PPP1R3E: variants seen among roughly 807,000 people sequenced by gnomAD.
PPP1R3E encodes the protein protein phosphatase 1, regulatory (inhibitor) subunit 3E.
A neutral mutation model predicts 18.5 loss-of-function variants in PPP1R3E; 20 were observed. The ratio of observed to expected loss-of-function variants is 1.08; its 90% confidence interval spans 0.76 to 1.58. The LOEUF is 1.58. Among genes scored for constraint, PPP1R3E ranks in the 40% most tolerant of loss-of-function variants. The pLI, the probability that PPP1R3E is intolerant of heterozygous loss-of-function variation, is 0.00. For synonymous variants in PPP1R3E, 208 were observed against 208.1 expected (o/e 1.00, Z 0.00); for missense variants, 498 against 460.2 (o/e 1.08, Z -0.75).
rs1312870415 is a variant in PPP1R3E, at chr14:23,301,580, G to A, written c.696C>T (p.Gly232=). The A allele has an allele frequency of 2.1e-6, 3 of 1,450,494 alleles. No homozygotes were observed. Among genetic ancestry groups the A allele is most frequent in the Non-Finnish European group, 2.7e-6 (3 of 1,103,448 alleles). 89.9% of individuals were successfully genotyped at this position (1,450,494 alleles called of 1,614,324 possible). Residue 232 remains glycine (G), a synonymous_variant, in exon 2 of 5, where the codon GGC becomes GGT. Transcript: ENST00000452015. ...GGTAGCGCAAGGCGAAGAGCAGGGCGCCCCCAATCGGCGGCGCGGGCAGGC... is the reference window on the plus strand; with the variant it reads ...GGTAGCGCAAGGCGAAGAGCAGGGCACCCCCAATCGGCGGCGCGGGCAGGC... ...AFRLPAPPIG[G]ALLFALRYRV... is the part of the protein sequence containing the mutation.
rs1886931694 is a variant in PPP1R3E, at chr14:23,298,190, A to G, written c.*1114T>C. ...AGCAGCAAACTCCTTCGAGTCACAGATGAAGCTCGGGGGCCCCCTGTCTTC... is the reference window on the plus strand; with the variant it reads ...AGCAGCAAACTCCTTCGAGTCACAGGTGAAGCTCGGGGGCCCCCTGTCTTC... On this transcript the variant is annotated 3_prime_UTR_variant, in exon 5 of 5. Transcript: ENST00000452015. 1 of 152,246 alleles carries G rather than the reference A, an allele frequency of 6.6e-6. No individual in the cohort carries two copies. The allele number at this position is 152,246 out of a possible 1,614,324, so 9.4% of individuals were successfully genotyped here.
chr14:23,300,172 T>C (rs1185480864), intron 3 of PPP1R3E: 2 of 152,074 alleles, frequency 1.3e-5, no homozygotes, highest in African/African-American at 4.8e-5. Context: ...GAGCAGAGGA[T>C]AGGCTGTGGT....
chr14:23,302,696 G>T lies in PPP1R3E; in HGVS notation c.-120C>A. 2 of 1,066,884 alleles carry T rather than the reference G, an allele frequency of 1.9e-6. No individual in the cohort carries two copies. The highest frequency in any genetic ancestry group is 2.5e-6 in the Non-Finnish European group (2 of 788,134). The allele number at this position is 1,066,884 out of a possible 1,614,324, so 66.1% of individuals were successfully genotyped here. A position where few individuals can be genotyped will look rare whatever the true frequency, so the allele number is the denominator to read the frequency against. On this transcript the variant is annotated 5_prime_UTR_variant, in exon 1 of 5. Coordinates refer to ENST00000452015, the MANE Select transcript of PPP1R3E (RefSeq NM_001276318.2). ...GGGTCCGCTTCTGCAGCCCCTCGCT[G>T]CTGTGTATTCTCCTTGCAGACACCT...
Position 23,298,793 on chromosome 14 carries a change from C to G in PPP1R3E, c.*511G>C, listed in dbSNP as rs1387715620. 2.6e-5 allele frequency: 4 copies of G among 154,336 alleles called. No individual in the cohort carries two copies. The highest frequency in any genetic ancestry group is 9.6e-5 in the African/African-American group (4 of 41,484). The allele number at this position is 154,336 out of a possible 1,614,324, so 9.6% of individuals were successfully genotyped here. The stretch of plus-strand genomic sequence containing the variant: ...GCTGCAACTTTGAACTGAAGGTGAT[C>G]CACATGGTACATGACATTCTTCCTG... On this transcript the variant is annotated 3_prime_UTR_variant, in exon 5 of 5. Coordinates refer to ENST00000452015, the MANE Select transcript of PPP1R3E (RefSeq NM_001276318.2).
At position 23,298,250 on chromosome 14, in the gene PPP1R3E, G is replaced by A. The variant is rs557609177; in HGVS notation, c.*1054C>T. The A allele has an allele frequency of 2.0e-5, 3 of 152,240 alleles. No individual in the cohort carries two copies. Among genetic ancestry groups the A allele is most frequent in the African/African-American group, 7.2e-5 (3 of 41,550 alleles). 9.4% of individuals were successfully genotyped at this position (152,240 alleles called of 1,614,324 possible). ...GTCCAGGAGATTGGCAGGATGGGAA[G>A]GCAGAGCACAGTCAGAAACTATGAT... On this transcript the variant is annotated 3_prime_UTR_variant, in exon 5 of 5. Coordinates refer to ENST00000452015, the MANE Select transcript of PPP1R3E (RefSeq NM_001276318.2).
At position 23,302,472 on chromosome 14, in the gene PPP1R3E, C is replaced by T; in HGVS notation, c.105G>A (p.Glu35=). ...CGCCTGGCTCCTCCTCCGGCTCCTC[C>T]TCGAGGCTGGGCCGCTGGCTACGGT... is the stretch of plus-strand genomic sequence containing the variant. The part of the protein sequence containing the change: ...AYYRSQRPSL[E]EEPEEEPGEG... Residue 35 remains glutamate, a synonymous_variant, in exon 1 of 5, where the codon GAG becomes GAA. Coordinates refer to ENST00000452015, the MANE Select transcript of PPP1R3E (RefSeq NM_001276318.2). The T allele has an allele frequency of 6.6e-7, 1 of 1,507,860 alleles. No homozygotes were observed. Among genetic ancestry groups the T allele is most frequent in the East Asian group, 2.7e-5 (1 of 37,378 alleles). The allele number at this position is 1,507,860 out of a possible 1,614,324, so 93.4% of individuals were successfully genotyped here. A position where few individuals can be genotyped will look rare whatever the true frequency, so the allele number is the denominator to read the frequency against.
In PPP1R3E at chr14:23,302,840, C is replaced by T. The variant is rs956061706; in HGVS notation, c.-264G>A. On this transcript the variant is annotated 5_prime_UTR_variant, in exon 1 of 5. Transcript: ENST00000452015. ...TCCTGCCTCCTGCTAGCGGTCTGCT[C>T]TGAGCGTGCGCTCAACTGCACTCAC... 7.2e-6 allele frequency: 3 copies of T among 417,772 alleles called. No homozygotes were observed. Among genetic ancestry groups the T allele is most frequent in the African/African-American group, 6.2e-5 (3 of 48,298 alleles). The allele number at this position is 417,772 out of a possible 1,614,324, so 25.9% of individuals were successfully genotyped here.
rs115298373 is a variant in PPP1R3E, at chr14:23,301,986, C to G, written c.418-128G>C. ...CGGCGTCCAGGCCGGCAGAGTGCGGCCCAGCTGCCAGGGTGGCCTAGAGCC... is the reference window on the plus strand; with the variant it reads ...CGGCGTCCAGGCCGGCAGAGTGCGGGCCAGCTGCCAGGGTGGCCTAGAGCC... On this transcript the variant is annotated intron_variant, in intron 1 of 4. Transcript: ENST00000452015. 342 of 1,263,810 alleles carry G rather than the reference C, an allele frequency of 2.7e-4. 2 individuals carry two copies. The African/African-American group carries it at 4.3e-3, about 16-fold the overall frequency. The allele number at this position is 1,263,810 out of a possible 1,614,324, so 78.3% of individuals were successfully genotyped here.
In PPP1R3E at chr14:23,302,795, C is replaced by T. The variant is rs534005016; in HGVS notation, c.-219G>A. On this transcript the variant is annotated 5_prime_UTR_variant, in exon 1 of 5. Coordinates refer to ENST00000452015, the MANE Select transcript of PPP1R3E (RefSeq NM_001276318.2). ...TTCCCTCCCTCTGGCCGTCAGCTTC[C>T]AGGGTCTTAGACTATCACATCCTGC... is the stretch of plus-strand genomic sequence containing the variant. 6 of 520,982 alleles carry T rather than the reference C, an allele frequency of 1.2e-5. No individual in the cohort carries two copies. The highest frequency in any genetic ancestry group is 2.8e-5 in the South Asian group (1 of 35,134). 32.3% of individuals were successfully genotyped at this position (520,982 alleles called of 1,614,324 possible).
At position 23,302,379 on chromosome 14, in the gene PPP1R3E, A is replaced by T; in HGVS notation, c.198T>A (p.Ser66=). 1 of 1,493,708 alleles carries T rather than the reference A, an allele frequency of 6.7e-7. No individual in the cohort carries two copies. 92.5% of individuals were successfully genotyped at this position (1,493,708 alleles called of 1,614,324 possible). ...GGGCCCCGCCGCCTCCGGCTGGTGC[A>T]GATCGGGCCCGGCGGCCCCGACTCG... ...HAPSRGRRAR[S]APAGGGGARA... Residue 66 remains serine, a synonymous_variant, in exon 1 of 5, where the codon TCT becomes TCA. Coordinates refer to ENST00000452015, the MANE Select transcript of PPP1R3E (RefSeq NM_001276318.2).
Position 23,302,442 on chromosome 14 carries a change from G to A in PPP1R3E, c.135C>T (p.Gly45=), listed in dbSNP as rs895635767. The part of the protein sequence containing the change: ...EEEPEEEPGE[G]GTRFGARSRA... ...GGGATCGGGCCCCGAACCGCGTCCCGCCCTCGCCTGGCTCCTCCTCCGGCT... is the reference window on the plus strand; with the variant it reads ...GGGATCGGGCCCCGAACCGCGTCCCACCCTCGCCTGGCTCCTCCTCCGGCT... The change falls in exon 1 of 5, where the codon GGC becomes GGT. Residue 45 remains glycine (G), a synonymous_variant. Coordinates refer to ENST00000452015, the MANE Select transcript of PPP1R3E (RefSeq NM_001276318.2). 4.7e-6 allele frequency: 7 copies of A among 1,502,890 alleles called. No homozygotes were observed. The Admixed American group carries it at 1.3e-4, about 28-fold the overall frequency. 93.1% of individuals were successfully genotyped at this position (1,502,890 alleles called of 1,614,324 possible).
chr14:23,301,380 C>A lies in PPP1R3E; in HGVS notation c.*56G>T. ...CCTACTCCTCCCCGCCACATCGGGTCGCCCCGCCCCCGGGTGCCTTTGGTG... is the reference window on the plus strand; with the variant it reads ...CCTACTCCTCCCCGCCACATCGGGTAGCCCCGCCCCCGGGTGCCTTTGGTG... On this transcript the variant is annotated 3_prime_UTR_variant, in exon 2 of 5. Coordinates refer to ENST00000452015, the MANE Select transcript of PPP1R3E (RefSeq NM_001276318.2). 7.6e-7 allele frequency: 1 copy of A among 1,314,682 alleles called. No homozygotes were observed. The highest frequency in any genetic ancestry group is 9.7e-7 in the Non-Finnish European group (1 of 1,030,714). 81.4% of individuals were successfully genotyped at this position (1,314,682 alleles called of 1,614,324 possible).
chr14:23,301,162 C>T (rs1887020289), intron 2 of PPP1R3E, 136 bp downstream of exon 2: 1 of 373,414 alleles, frequency 2.7e-6, no homozygotes, highest in African/African-American at 2.1e-5. Context: ...TTTCGGGTCT[C>T]CTTCCTCCTA....
rs529256920 is a variant in PPP1R3E at position 23,295,887 on chromosome 14, A to G, written c.*3417T>C. ...TCTCTTGCTGCCCTTAGCCCAAAAC[A>G]CACAATACTTCTGAATATCTTATGA... On this transcript the variant is annotated 3_prime_UTR_variant, in exon 5 of 5. Transcript: ENST00000452015. 1.3e-5 allele frequency: 2 copies of G among 153,166 alleles called. No individual in the cohort carries two copies. Among genetic ancestry groups the G allele is most frequent in the Admixed American group, 1.3e-4 (2 of 15,330 alleles). The allele number at this position is 153,166 out of a possible 1,614,324, so 9.5% of individuals were successfully genotyped here.
In PPP1R3E at chr14:23,301,314, G is replaced by C; in HGVS notation, c.*122C>G. On this transcript the variant is annotated 3_prime_UTR_variant, in exon 2 of 5. Transcript: ENST00000452015. ...TTTCCCCACCCTTTTCGCCCTCCCCGGCTTGACTCCCTTGGACCGCTCCCG... is the reference window on the plus strand; with the variant it reads ...TTTCCCCACCCTTTTCGCCCTCCCCCGCTTGACTCCCTTGGACCGCTCCCG... 4.6e-6 allele frequency: 3 copies of C among 658,188 alleles called. No homozygotes were observed. The highest frequency in any genetic ancestry group is 5.2e-6 in the Non-Finnish European group (3 of 571,932). 40.8% of individuals were successfully genotyped at this position (658,188 alleles called of 1,614,324 possible). A position where few individuals can be genotyped will look rare whatever the true frequency, so the allele number is the denominator to read the frequency against.
chr14:23,300,536 G>T (rs1887000425), intron 3 of PPP1R3E: 2 of 152,202 alleles, frequency 1.3e-5, no homozygotes, highest in African/African-American at 4.8e-5. Flanking sequence ...AAGGAAATCA[G>T]AATAGTGATT....
Position 23,301,517 on chromosome 14 carries a change from GC to G in PPP1R3E, c.758del (p.Gly253AlafsTer86). 6.7e-7 allele frequency: 1 copy of G among 1,498,848 alleles called. No individual in the cohort carries two copies. Among genetic ancestry groups the G allele is most frequent in the Non-Finnish European group, 8.9e-7 (1 of 1,129,680 alleles). The allele number at this position is 1,498,848 out of a possible 1,614,324, so 92.8% of individuals were successfully genotyped here. A position where few individuals can be genotyped will look rare whatever the true frequency, so the allele number is the denominator to read the frequency against. ...TGHEFWDNNGGRDYALRGPEH... is the reference protein window; with the variant it reads ...TGHEFWDNNGXRDYALRGPEH... ...CGGGCCCACGTAGAGCATAGTCACG[GC>G]CGCCGTTGTTGTCCCAGAACTCGTG... is the stretch of plus-strand genomic sequence containing the variant. On this transcript the variant is annotated frameshift_variant, in exon 2 of 5. Coordinates refer to ENST00000452015, the MANE Select transcript of PPP1R3E (RefSeq NM_001276318.2). LOFTEE classifies it high-confidence loss of function.
At position 23,301,713 on chromosome 14, in the gene PPP1R3E, C is replaced by A; in HGVS notation, c.563G>T (p.Arg188Leu). The stretch of plus-strand genomic sequence containing the variant: ...GTCGGCGCTCCAGCGCACGCTCACG[C>A]GCTTCTCGTAGGCCAGGTCCACCAC... Reference protein sequence around the residue: ...ARVVDLAYEKRVSVRWSADGW... With the variant: ...ARVVDLAYEKLVSVRWSADGW... Residue 188 changes from arginine to leucine, a missense_variant, in exon 2 of 5, where the codon CGC (arginine) becomes CTC (leucine). Transcript: ENST00000452015. 1 of 1,397,378 alleles carries A rather than the reference C, an allele frequency of 7.2e-7. No homozygotes were observed. The highest frequency in any genetic ancestry group is 9.3e-7 in the Non-Finnish European group (1 of 1,076,998). 86.6% of individuals were successfully genotyped at this position (1,397,378 alleles called of 1,614,324 possible). A position where few individuals can be genotyped will look rare whatever the true frequency, so the allele number is the denominator to read the frequency against.
chr14:23,302,429 C>T lies in PPP1R3E; in HGVS notation c.148G>A (p.Gly50Arg). The change falls in exon 1 of 5, where the codon GGG (glycine) becomes AGG (arginine). Residue 50 changes from glycine to arginine, a missense_variant. Gly to Arg is a moderately radical substitution (Grantham distance 125). Coordinates refer to ENST00000452015, the MANE Select transcript of PPP1R3E (RefSeq NM_001276318.2). ...EEPGEGGTRF[G>R]ARSRAHAPSR... is the part of the protein sequence containing the mutation. The stretch of plus-strand genomic sequence containing the variant: ...GGTGCGTGAGCGCGGGATCGGGCCC[C>T]GAACCGCGTCCCGCCCTCGCCTGGC... The T allele has an allele frequency of 6.7e-7, 1 of 1,499,546 alleles. No individual in the cohort carries two copies. Among genetic ancestry groups the T allele is most frequent in the South Asian group, 1.3e-5 (1 of 79,564 alleles). The allele number at this position is 1,499,546 out of a possible 1,614,324, so 92.9% of individuals were successfully genotyped here. A position where few individuals can be genotyped will look rare whatever the true frequency, so the allele number is the denominator to read the frequency against.
Sources: gnomAD v4.1 joint callset for allele counts on GRCh38, gnomAD v4.1.1 for gene constraint, MANE v1.5 for transcripts, NCBI Gene and HGNC (gene_info 2026-07-23, HGNC 2026-07-21) for gene names.